AFF3: variants seen among roughly 807,000 people sequenced by gnomAD.
The protein encoded by AFF3 is ALF transcription elongation factor 3, also known as AF4/FMR2 family member 3.
In AFF3, 32 loss-of-function variants were observed where a neutral mutation model predicts 129.7. That is an observed-to-expected ratio of 0.25 (90% CI 0.19 to 0.33). The LOEUF is 0.33. Among genes scored for constraint, AFF3 ranks in the 10% least tolerant of loss-of-function variants. The pLI is 1.00. For missense variants in AFF3, 1,373 were observed against 1,592.0 expected (o/e 0.86, Z 2.34); for synonymous variants, 644 against 635.4 (o/e 1.01, Z -0.20).
At chr2:99,781,425 GA>G (rs1223239877) in intron 8 of AFF3, among the ~76,000 whole-genome samples, 1 of 152,144 alleles carries the variant, frequency 6.6e-6, no homozygotes, top group African/African-American at 2.4e-5. Flanking sequence ...ATGAGAATAG[GA>G]AACCTTCTCT....
In AFF3 at chr2:99,601,528, G is replaced by A. The variant is rs373395208; in HGVS notation, c.1278C>T (p.Ser426=). Residue 426 remains serine (S), a synonymous_variant, in exon 14 of 25, where the codon AGC becomes AGT. Coordinates refer to ENST00000672756, the MANE Select transcript of AFF3 (RefSeq NM_001386135.1). ...CAGATCCGGAGCTGCTCTCTGAGTC[G>A]CTGGAGGAGCTGCTGCTGCCGCTGC... ...SSSSGSSSSS[S]DSESSSGSDS... is the part of the protein sequence containing the mutation. 45 of 1,603,100 alleles carry A rather than the reference G, an allele frequency of 2.8e-5. No homozygotes were observed. Among genetic ancestry groups the A allele is most frequent in the Non-Finnish European group, 3.4e-5 (40 of 1,176,154 alleles).
intron 7 of AFF3, among the ~76,000 whole-genome samples, chr2:99,964,851 G>C (rs1326227890): frequency 6.6e-6 from 1 of 152,144 alleles, no homozygotes; most frequent in Non-Finnish European, 1.5e-5. Flanking sequence ...GCTCATGATT[G>C]TGTTGTAAGA....
intron 4 of AFF3, among the ~76,000 whole-genome samples, chr2:100,037,515 T>G (rs1344598109): frequency 0.032 from 990 of 31,120 alleles, 85 homozygotes; most frequent in African/African-American, 0.16. Context: ...TATTTATATT[T>G]TATATATTAT....
In AFF3 at chr2:99,894,258, A is replaced by G. The variant is rs935370035; in HGVS notation, c.874-56734T>C. Among the ~76,000 whole-genome samples, 6 of 152,020 alleles carry G rather than the reference A, an allele frequency of 3.9e-5. No homozygotes were observed. In the South Asian group the frequency reaches 1.2e-3, roughly 32 times the overall value. The stretch of plus-strand genomic sequence containing the variant: ...AAATAAAGATAATATTTATGGCTAC[A>G]TGTGCATCTGCTTAAAGAAAACTCT... On this transcript the variant is annotated intron_variant, in intron 7 of 24. Transcript: ENST00000672756.
At chr2:99,725,137 A>AT (rs374769899) in intron 11 of AFF3, among the ~76,000 whole-genome samples, 57 of 150,946 alleles carry the variant, frequency 3.8e-4, no homozygotes, top group African/African-American at 1.0e-3. Context: ...TGCCCAGCTA[A>AT]TTTTTTTTTG....
intron 12 of AFF3, among the ~76,000 whole-genome samples, chr2:99,672,315 T>C: frequency 6.6e-6 from 1 of 152,150 alleles, no homozygotes; most frequent in Non-Finnish European, 1.5e-5. Context: ...TACCCATTGC[T>C]GGTCTCAATA....
intron 11 of AFF3, among the ~76,000 whole-genome samples, chr2:99,690,636 A>G (rs1284333896): frequency 6.6e-6 from 1 of 152,174 alleles, no homozygotes; most frequent in Non-Finnish European, 1.5e-5. Flanking sequence ...ATGGGTGCTT[A>G]TGAAATAAAA....
intron 18 of AFF3, among the ~76,000 whole-genome samples, chr2:99,575,193 A>C (rs949870628): frequency 6.6e-6 from 1 of 152,174 alleles, no homozygotes; most frequent in Non-Finnish European, 1.5e-5. Flanking sequence ...TTTAGGTGAC[A>C]TTCTAGCCCA....
intron 7 of AFF3, among the ~76,000 whole-genome samples, chr2:99,961,261 G>C (rs1427925200): frequency 2.6e-5 from 4 of 152,168 alleles, no homozygotes; most frequent in African/African-American, 9.7e-5. Context: ...CCAGCTTTCT[G>C]TTCCGTTCTA....
At chr2:99,862,000 A>G (rs1691034261) in intron 7 of AFF3, among the ~76,000 whole-genome samples, 2 of 152,000 alleles carry the variant, frequency 1.3e-5, no homozygotes, top group South Asian at 4.2e-4. Flanking sequence ...CAACCAGGGA[A>G]CTGCTGCAGA....
chr2:99,902,373 G>A (rs192053481), intron 7 of AFF3, among the ~76,000 whole-genome samples: 10 of 152,052 alleles, frequency 6.6e-5, no homozygotes, highest in African/African-American at 1.9e-4. Context: ...TCCAGTGTGC[G>A]GCTCTTCTGA....
rs1358864434 is a variant in AFF3 at position 99,651,622 on chromosome 2, A to G, written c.1144-1956T>C. ...ACACCCAGCTAATTTTTGTATTTTT[A>G]GTAGAGACAGGGTCTCATCATGTTG... is the stretch of plus-strand genomic sequence containing the variant. On this transcript the variant is annotated intron_variant, in intron 12 of 24. Transcript: ENST00000672756. Among the ~76,000 whole-genome samples the G allele has an allele frequency of 2.0e-5, 3 of 152,008 alleles. No homozygotes were observed. In the East Asian group the frequency reaches 5.8e-4, roughly 29 times the overall value.
At chr2:99,652,807 TC>T (rs1685390317) in intron 12 of AFF3, among the ~76,000 whole-genome samples, 2 of 152,032 alleles carry the variant, frequency 1.3e-5, no homozygotes. Context: ...CCCTCCTCAT[TC>T]CCTAGATTCT....
chr2:100,103,932 GGC>G (rs1690983311), intron 4 of AFF3, among the ~76,000 whole-genome samples: 1 of 151,528 alleles, frequency 6.6e-6, no homozygotes, highest in Non-Finnish European at 1.5e-5. Context: ...GCCGAGACCG[GGC>G]GCAGGCGGGG....
At chr2:99,705,220 G>C (rs1279242751) in intron 11 of AFF3, among the ~76,000 whole-genome samples, 1 of 152,224 alleles carries the variant, frequency 6.6e-6, no homozygotes, top group East Asian at 1.9e-4. Context: ...AACCAGCTGT[G>C]AGGGAGGAAG....
intron 13 of AFF3, among the ~76,000 whole-genome samples, chr2:99,615,952 T>C (rs765031802): frequency 6.6e-6 from 1 of 152,192 alleles, no homozygotes; most frequent in Non-Finnish European, 1.5e-5. Flanking sequence ...TATGGGGAAA[T>C]GCTGGGAGAT....
intron 4 of AFF3, among the ~76,000 whole-genome samples, chr2:100,076,656 C>G (rs1042109358): frequency 6.6e-6 from 1 of 152,196 alleles, no homozygotes; most frequent in Non-Finnish European, 1.5e-5. Context: ...ACTGCCTCCC[C>G]AACATGTAGT....
At chr2:99,570,379 C>T (rs906043442) in intron 18 of AFF3, among the ~76,000 whole-genome samples, 2 of 152,158 alleles carry the variant, frequency 1.3e-5, no homozygotes, top group African/African-American at 2.4e-5. Flanking sequence ...ACTCTGTCGC[C>T]TAGGCTGGAG....
intron 7 of AFF3, among the ~76,000 whole-genome samples, chr2:99,920,339 A>T (rs942731566): frequency 1.3e-5 from 2 of 152,002 alleles, no homozygotes; most frequent in Non-Finnish European, 1.5e-5. Context: ...ATAAAAAAAA[A>T]TATGCCGCAA....
Sources: gnomAD v4.1 joint callset for allele counts (sites outside exome capture counted in the v4.1 genomes callset) on GRCh38, gnomAD v4.1.1 for gene constraint, MANE v1.5 for transcripts, NCBI Gene and HGNC (gene_info 2026-07-23, HGNC 2026-07-21) for gene names.